VWA8: variants seen among roughly 807,000 people sequenced by gnomAD.
VWA8 encodes von Willebrand factor A domain-containing protein 8.
In VWA8, 221 loss-of-function variants were observed where a neutral mutation model predicts 241.5. The ratio of observed to expected loss-of-function variants is 0.91; its 90% CI spans 0.82 to 1.02. VWA8 has a LOEUF of 1.02. Among genes scored for constraint, VWA8 ranks in the 50% least tolerant of loss-of-function variants. VWA8 has a pLI of 0.00. For synonymous variants in VWA8, 852 were observed against 827.1 expected (o/e 1.03, Z -0.52); for missense variants, 2,322 against 2,328.7 (o/e 1.00, Z 0.06).
At chr13:41,572,081 C>T (rs35516249) in intron 43 of VWA8, among the ~76,000 whole-genome samples, 25,199 of 151,872 alleles carry the variant, frequency 0.17, 2,212 homozygotes, top group Admixed American at 0.25. Context: ...TCGGCTGCCC[C>T]GTCTGAGCAG....
At chr13:41,573,486 A>T (rs9566797) in intron 43 of VWA8, among the ~76,000 whole-genome samples, 35,563 of 113,042 alleles carry the variant, frequency 0.31, 5,299 homozygotes, top group East Asian at 0.47. Flanking sequence ...AAAAAAAAAA[A>T]ATATATATAT....
In VWA8 at chr13:41,568,258, G is replaced by GTAT. The variant is rs1464477756; in HGVS notation, c.5654_5656dup (p.Asp1885_Thr1886insAsn). The GTAT allele has an allele frequency of 2.5e-6, 4 of 1,614,124 alleles. No individual in the cohort carries two copies. The highest frequency in any genetic ancestry group is 3.4e-6 in the Non-Finnish European group (4 of 1,180,000). ...TTGTAAAATCTGAGGGATATCCTTGGTATCCATGGCAACGAAAGACCGACC... is the reference window on the plus strand; with the variant it reads ...TTGTAAAATCTGAGGGATATCCTTGGTATTATCCATGGCAACGAAAGACCGACC... On this transcript the variant is annotated inframe_insertion, in exon 45 of 45. Transcript: ENST00000379310.
At position 41,949,031 on chromosome 13, in the gene VWA8, T is replaced by TAAAAAA. The variant is rs35506856; in HGVS notation, c.241+899_241+904dup. Among the ~76,000 whole-genome samples the TAAAAAA allele has an allele frequency of 7.4e-3, 469 of 63,406 alleles. 3 individuals carry two copies. Among genetic ancestry groups the TAAAAAA allele is most frequent in the Non-Finnish European group, 8.7e-3 (305 of 34,940 alleles). 41.6% of individuals were successfully genotyped at this position (63,406 alleles called of 152,430 possible). On this transcript the variant is annotated intron_variant, in intron 2 of 44. Transcript: ENST00000379310. ...AACAAGCAAAACTAATCTACCATCA[T>TAAAAAA]AAAAAAAAAAAAAAAAAAAAAAAAA...
At chr13:41,871,968 T>A (rs1181765951) in intron 9 of VWA8, among the ~76,000 whole-genome samples, 2 of 152,208 alleles carry the variant, frequency 1.3e-5, no homozygotes, top group Non-Finnish European at 2.9e-5. Context: ...GCAGCACCTG[T>A]TGTTTCCTGA....
chr13:41,703,059 C>T (rs1041578494), intron 27 of VWA8, among the ~76,000 whole-genome samples: 11 of 152,156 alleles, frequency 7.2e-5, no homozygotes, highest in African/African-American at 2.7e-4. Flanking sequence ...ACAAATACCA[C>T]AGAGCAACTT....
At chr13:41,821,490 T>A (rs1233772598) in intron 14 of VWA8, among the ~76,000 whole-genome samples, 1 of 152,122 alleles carries the variant, frequency 6.6e-6, no homozygotes, top group Non-Finnish European at 1.5e-5. Context: ...GAGCAGAGGA[T>A]CTGCTGTGTA....
chr13:41,867,142 A>C (rs959043306), intron 10 of VWA8, among the ~76,000 whole-genome samples: 2 of 152,220 alleles, frequency 1.3e-5, no homozygotes, highest in Non-Finnish European at 2.9e-5. Context: ...GAAGCAAATA[A>C]TGAAGTCTTG....
intron 25 of VWA8, among the ~76,000 whole-genome samples, chr13:41,720,836 T>A (rs2045383951): frequency 6.6e-6 from 1 of 152,174 alleles, no homozygotes; most frequent in Non-Finnish European, 1.5e-5. Flanking sequence ...ATTTATATTA[T>A]TTTTTATTTG....
chr13:41,611,842 T>G (rs2139661041), intron 38 of VWA8, 110 bp from the exon 39 acceptor site: 1 of 1,220,542 alleles, frequency 8.2e-7, no homozygotes, highest in East Asian at 2.5e-5. Context: ...TGTACTTAAC[T>G]AGTAATTAAA....
chr13:41,873,415 A>G (rs537099303), intron 9 of VWA8, among the ~76,000 whole-genome samples: 4 of 152,298 alleles, frequency 2.6e-5, no homozygotes, highest in Non-Finnish European at 4.4e-5. Flanking sequence ...TGAAAGGATC[A>G]ACAAAATTGA....
intron 40 of VWA8, among the ~76,000 whole-genome samples, chr13:41,603,789 T>C (rs1043819666): frequency 6.6e-6 from 1 of 152,190 alleles, no homozygotes; most frequent in Non-Finnish European, 1.5e-5. Flanking sequence ...TGCATACTGC[T>C]TCCTCTGTTG....
intron 12 of VWA8, among the ~76,000 whole-genome samples, chr13:41,853,366 G>A (rs936335971): frequency 3.9e-5 from 6 of 152,074 alleles, no homozygotes; most frequent in Non-Finnish European, 7.4e-5. Context: ...GTCTGGCTTT[G>A]GTATCAGGGT....
chr13:41,822,332 T>C (rs1166699988), intron 14 of VWA8, among the ~76,000 whole-genome samples: 3 of 152,194 alleles, frequency 2.0e-5, no homozygotes, highest in Non-Finnish European at 4.4e-5. Flanking sequence ...AGAACAGATT[T>C]CATCATTAGT....
At chr13:41,656,990 G>A (rs1053050039) in intron 37 of VWA8, among the ~76,000 whole-genome samples, 1 of 152,106 alleles carries the variant, frequency 6.6e-6, no homozygotes, top group Non-Finnish European at 1.5e-5. Context: ...CCAAACTCTA[G>A]GGGTGGAGAC....
chr13:41,758,394 GCTAGTATATATATATATATATA>G, intron 21 of VWA8, among the ~76,000 whole-genome samples: 1 of 4,754 alleles, frequency 2.1e-4, no homozygotes, highest in Non-Finnish European at 6.0e-4. Flanking sequence ...ATATATATAC[GCTAGTATATATATATATATATA>G]TATATATATA....
intron 22 of VWA8, among the ~76,000 whole-genome samples, chr13:41,731,094 A>G (rs2045479690): frequency 6.6e-6 from 1 of 151,748 alleles, no homozygotes; most frequent in Non-Finnish European, 1.5e-5. Flanking sequence ...CTGAATTTAA[A>G]AAAAGAAAAC....
intron 20 of VWA8, among the ~76,000 whole-genome samples, chr13:41,773,992 C>T (rs1868465905): frequency 6.6e-6 from 1 of 152,108 alleles, no homozygotes; most frequent in Admixed American, 6.6e-5. Flanking sequence ...TCATTAGTCT[C>T]CTTCACTTAA....
At chr13:41,684,997 G>T (rs754338437) in intron 35 of VWA8, 50 bp downstream of exon 35, 15 of 1,472,194 alleles carry the variant, frequency 1.0e-5, no homozygotes, top group Non-Finnish European at 1.4e-5. Context: ...CCAAAAGGAA[G>T]CTACTTTAAA....
intron 39 of VWA8, among the ~76,000 whole-genome samples, chr13:41,606,111 C>G (rs781137839): frequency 1.3e-5 from 2 of 152,086 alleles, no homozygotes; most frequent in Non-Finnish European, 1.5e-5. Context: ...CTCTGATCCC[C>G]GGGTCTTTCT....
Sources: gnomAD v4.1 joint callset for allele counts (sites outside exome capture counted in the v4.1 genomes callset) on GRCh38, gnomAD v4.1.1 for gene constraint, MANE v1.5 for transcripts, NCBI Gene and HGNC (gene_info 2026-07-23, HGNC 2026-07-21) for gene names.